The following ARHGAP5 variants were observed in gnomAD, a reference collection of about 807,000 sequenced individuals.
ARHGAP5 encodes Rho GTPase activating protein 5.
Under a neutral mutation model 116.6 loss-of-function variants are expected in ARHGAP5, and 23 were observed. The ratio of observed to expected loss-of-function variants is 0.20; its 90% CI spans 0.14 to 0.28. ARHGAP5 has a LOEUF of 0.28. Ranked by LOEUF, ARHGAP5 falls within the 10% of genes least tolerant of loss-of-function variation. The pLI is 1.00. For missense variants in ARHGAP5, 1,405 were observed against 1,774.8 expected, an observed-to-expected ratio of 0.79 and a Z score of 3.74; for synonymous variants, 574 against 602.0, an observed-to-expected ratio of 0.95 and a Z score of 0.68.
At chr14:32,084,903 G>T (rs1370816917) in intron 1 of ARHGAP5, among the ~76,000 whole-genome samples, 2 of 152,118 alleles carry the variant, frequency 1.3e-5, no homozygotes, top group African/African-American at 4.8e-5. Flanking sequence ...CAGCTGCTTA[G>T]AAGGCTGAGG....
At chr14:32,127,621 A>C (rs1235490307) in intron 3 of ARHGAP5, among the ~76,000 whole-genome samples, 2 of 152,062 alleles carry the variant, frequency 1.3e-5, no homozygotes, top group African/African-American at 4.8e-5. Context: ...TTTTCCCCAC[A>C]TTTCCCCCTT....
chr14:32,123,615 C>G (rs774389495), intron 3 of ARHGAP5, among the ~76,000 whole-genome samples: 4 of 151,724 alleles, frequency 2.6e-5, no homozygotes, highest in African/African-American at 7.3e-5. Context: ...TGTCAGAATT[C>G]TGAATTTTAC....
chr14:32,154,728 C>A lies in ARHGAP5; in HGVS notation c.4289C>A (p.Thr1430Asn). 1 of 1,614,104 alleles carries A rather than the reference C, an allele frequency of 6.2e-7. No individual in the cohort carries two copies. Among genetic ancestry groups the A allele is most frequent in the African/African-American group, 1.3e-5 (1 of 75,050 alleles). The change falls in exon 7 of 7, where the codon ACT becomes AAT. Residue 1430 changes from threonine to asparagine, a missense_variant. Thr to Asn is a moderately conservative substitution (Grantham distance 65). This residue lies in a region of ARHGAP5 where 85 missense variants were observed against 96.6 expected (regional missense o/e 0.88). Coordinates refer to ENST00000345122, the MANE Select transcript of ARHGAP5 (RefSeq NM_001030055.2). ...TTTGAAAATCGAGAGTTTCTGTCTA[C>A]TACTAAGATTCATCAATCTGTTGTT... ...PDFENREFLS[T>N]TKIHQSVVET...
intron 6 of ARHGAP5, among the ~76,000 whole-genome samples, chr14:32,153,621 C>T (rs1378525210): frequency 2.0e-5 from 3 of 149,938 alleles, no homozygotes; most frequent in African/African-American, 7.3e-5. Flanking sequence ...TACAGATGTA[C>T]ACCACCACAC....
intron 3 of ARHGAP5, among the ~76,000 whole-genome samples, chr14:32,129,982 G>A (rs1880387012): frequency 6.6e-6 from 1 of 152,018 alleles, no homozygotes; most frequent in South Asian, 2.1e-4. Context: ...AGGATTGCCT[G>A]ATCCCGGGAA....
Position 32,091,156 on chromosome 14 carries a change from A to T in ARHGAP5, c.487A>T (p.Ile163Phe). The change falls in exon 2 of 7, where the codon ATT becomes TTT. Residue 163 changes from isoleucine (I) to phenylalanine (F), a missense_variant. This residue lies in a region of ARHGAP5 where 190 missense variants were observed against 314.9 expected (regional missense o/e 0.60). Coordinates refer to ENST00000345122, the MANE Select transcript of ARHGAP5 (RefSeq NM_001030055.2). ...KLNVDGFLLCIDVSQGCNRKF... is the reference protein window; with the variant it reads ...KLNVDGFLLCFDVSQGCNRKF... ...CAACGTAGATGGATTTTTATTATGCATTGATGTAAGTCAAGGATGCAATAG... is the reference window on the plus strand; with the variant it reads ...CAACGTAGATGGATTTTTATTATGCTTTGATGTAAGTCAAGGATGCAATAG... 1 of 1,613,670 alleles carries T rather than the reference A, an allele frequency of 6.2e-7. No individual in the cohort carries two copies. The highest frequency in any genetic ancestry group is 1.1e-5 in the South Asian group (1 of 91,068).
rs779244174 is a variant in ARHGAP5 at position 32,117,258 on chromosome 14, A to G, written c.3836A>G (p.Glu1279Gly). The part of the protein sequence containing the change: ...TAEKPIPLFV[E>G]KCVEFIEDTG... ...GAGAAGCCCATACCACTATTTGTTG[A>G]GAAATGTGTGGAATTTATTGAAGAT... Residue 1279 changes from glutamate to glycine, a missense_variant, in exon 3 of 7, where the codon GAG becomes GGG. Physicochemically the swap from Glu to Gly is moderately conservative, Grantham distance 98. Around this residue, in one of 6 missense-constraint regions of ARHGAP5, gnomAD observed 176 missense variants for 221.2 expected, o/e 0.80. Coordinates refer to ENST00000345122, the MANE Select transcript of ARHGAP5 (RefSeq NM_001030055.2). 1.2e-6 allele frequency: 2 copies of G among 1,606,972 alleles called. No homozygotes were observed. The highest frequency in any genetic ancestry group is 1.7e-6 in the Non-Finnish European group (2 of 1,175,774).
intron 3 of ARHGAP5, among the ~76,000 whole-genome samples, chr14:32,137,257 G>A (rs1566680333): frequency 6.8e-6 from 1 of 147,874 alleles, no homozygotes; most frequent in Non-Finnish European, 1.5e-5. Flanking sequence ...CTAGTATGAG[G>A]TAGAGATCTA....
At chr14:32,113,363 A>C (rs1879403256) in intron 2 of ARHGAP5, among the ~76,000 whole-genome samples, 1 of 152,212 alleles carries the variant, frequency 6.6e-6, no homozygotes, top group African/African-American at 2.4e-5. Flanking sequence ...TAGTGGAAAA[A>C]TTAGAAGTCA....
intron 3 of ARHGAP5, among the ~76,000 whole-genome samples, chr14:32,143,236 G>GTTATTATTATTA (rs765079635): frequency 1.4e-5 from 2 of 143,566 alleles, no homozygotes; most frequent in African/African-American, 5.7e-5. Flanking sequence ...TGTTGTTGTT[G>GTTATTATTATTA]TTGTTATTAT....
intron 3 of ARHGAP5, among the ~76,000 whole-genome samples, chr14:32,124,634 C>T (rs1880052675): frequency 2.6e-5 from 4 of 152,198 alleles, no homozygotes; most frequent in African/African-American, 9.6e-5. Flanking sequence ...GATGGCATTC[C>T]ATTAATGAAA....
chr14:32,111,889 T>G (rs1879325402), intron 2 of ARHGAP5, among the ~76,000 whole-genome samples: 1 of 144,962 alleles, frequency 6.9e-6, no homozygotes, highest in Admixed American at 7.2e-5. Flanking sequence ...GTTACTAGGC[T>G]GGAGTGCAGT....
intron 5 of ARHGAP5, among the ~76,000 whole-genome samples, chr14:32,151,687 G>GT (rs1252431027): frequency 6.6e-6 from 1 of 152,220 alleles, no homozygotes; most frequent in African/African-American, 2.4e-5. Flanking sequence ...ACAGGGTTGA[G>GT]TAAGTGTGCC....
rs930404632 is a variant in ARHGAP5, at chr14:32,151,590, A to C, written c.4076-833A>C. 1.2e-4 allele frequency among the ~76,000 whole-genome samples: 18 copies of C among 152,248 alleles called. 1 individual carries two copies. Among genetic ancestry groups the C allele is most frequent in the African/African-American group, 3.1e-4 (13 of 41,466 alleles). On this transcript the variant is annotated intron_variant, in intron 5 of 6. Transcript: ENST00000345122. ...GAAAATTTCATGACACATTAAAATT[A>C]CATGAAATTCAAATTTCAGAAGTTT...
chr14:32,138,530 C>G (rs140365950), intron 3 of ARHGAP5, among the ~76,000 whole-genome samples: 1 of 152,136 alleles, frequency 6.6e-6, no homozygotes, highest in Non-Finnish European at 1.5e-5. Flanking sequence ...GTGATCTGCC[C>G]GCCTCAGCCT....
rs1005714657 is a variant in ARHGAP5, at chr14:32,132,155, G to A, written c.3866-14108G>A. Among the ~76,000 whole-genome samples, 6 of 152,114 alleles carry A rather than the reference G, an allele frequency of 3.9e-5. No individual in the cohort carries two copies. The East Asian group carries it at 5.8e-4, about 15-fold the overall frequency. On this transcript the variant is annotated intron_variant, in intron 3 of 6. Transcript: ENST00000345122. Reference sequence around the variant, plus strand: ...TCTAGTTCTAGATCCCTGAGGAATCGCCACACTGACTTCCACAATGGTTGA... The same window carrying A: ...TCTAGTTCTAGATCCCTGAGGAATCACCACACTGACTTCCACAATGGTTGA...
In ARHGAP5 at chr14:32,077,422, A is replaced by G. The variant is rs2041716118; in HGVS notation, c.-182A>G. 1 of 706,254 alleles carries G rather than the reference A, an allele frequency of 1.4e-6. No individual in the cohort carries two copies. The highest frequency in any genetic ancestry group is 1.7e-5 in the African/African-American group (1 of 57,352). 43.7% of individuals were successfully genotyped at this position (706,254 alleles called of 1,614,324 possible). ...TGCCGTTGAGGAGGAGACGGAGGAG[A>G]CCGACGTTGTTAGGTAGGACCTTGC... On this transcript the variant is annotated 5_prime_UTR_variant, in exon 1 of 7. Coordinates refer to ENST00000345122, the MANE Select transcript of ARHGAP5 (RefSeq NM_001030055.2).
chr14:32,094,579 AT>A (rs1316920709), intron 2 of ARHGAP5, among the ~76,000 whole-genome samples, 193 bp downstream of exon 2: 2 of 152,018 alleles, frequency 1.3e-5, no homozygotes, highest in Non-Finnish European at 2.9e-5. Flanking sequence ...GTAGAGTTTG[AT>A]TTCATATTCT....
chr14:32,081,383 A>G (rs1466323731), intron 1 of ARHGAP5, among the ~76,000 whole-genome samples: 1 of 152,038 alleles, frequency 6.6e-6, no homozygotes, highest in African/African-American at 2.4e-5. Context: ...AGCACAGGTA[A>G]GTAGAGGACA....
Sources: gnomAD v4.1 joint callset for allele counts (sites outside exome capture counted in the v4.1 genomes callset) on GRCh38, gnomAD v4.1.1 for gene constraint, gnomAD v4.1.1 regional missense constraint, MANE v1.5 for transcripts, NCBI Gene and HGNC (gene_info 2026-07-23, HGNC 2026-07-21) for gene names.